The following TUSC3 variants were observed in gnomAD, a reference collection of about 807,000 sequenced individuals.
The protein encoded by TUSC3 is dolichyl-diphosphooligosaccharide--protein glycosyltransferase subunit TUSC3.
In TUSC3, 45 loss-of-function variants were observed where a neutral mutation model predicts 44.8. The ratio of observed to expected loss-of-function variants is 1.00; its 90% CI spans 0.79 to 1.29. TUSC3 has a LOEUF of 1.29. Ranked by LOEUF, TUSC3 falls within the 50% of genes most tolerant of loss-of-function variation. The pLI is 0.00. For synonymous variants in TUSC3, 212 were observed against 152.9 expected (o/e 1.39, Z -2.85); for missense variants, 519 against 437.9 (o/e 1.19, Z -1.65).
At chr8:15,598,985 T>C (rs2129153773) in intron 1 of TUSC3, among the ~76,000 whole-genome samples, 1 of 151,902 alleles carries the variant, frequency 6.6e-6, no homozygotes, top group South Asian at 2.1e-4. Context: ...GATCAAGTGG[T>C]TAAAATTATG....
At chr8:15,651,101 G>A in intron 3 of TUSC3, 1 of 325,562 alleles carries the variant, frequency 3.1e-6, no homozygotes, top group Non-Finnish European at 5.8e-6. Context: ...CATAATTATG[G>A]CTAAACTTAT....
At chr8:15,725,245 C>T (rs1810454453) in intron 6 of TUSC3, among the ~76,000 whole-genome samples, 1 of 152,032 alleles carries the variant, frequency 6.6e-6, no homozygotes, top group African/African-American at 2.4e-5. Flanking sequence ...GTATTATTGT[C>T]TTCAAAATAG....
chr8:15,698,404 A>ATTGTGTTTGAGACTTGATT (rs1434854966), intron 6 of TUSC3, among the ~76,000 whole-genome samples: 1 of 152,214 alleles, frequency 6.6e-6, no homozygotes, highest in Non-Finnish European at 1.5e-5. Flanking sequence ...TTAACTATAT[A>ATTGTGTTTGAGACTTGATT]TTGTGTTTGA....
chr8:15,688,959 A>G (rs1043538477), intron 6 of TUSC3: 20 of 223,720 alleles, frequency 8.9e-5, no homozygotes, highest in African/African-American at 4.5e-4. Flanking sequence ...CTGAGTGCAT[A>G]CAGGAGACCT....
At chr8:15,708,940 G>GT in intron 6 of TUSC3, among the ~76,000 whole-genome samples, 1 of 151,880 alleles carries the variant, frequency 6.6e-6, no homozygotes, top group East Asian at 1.9e-4. Flanking sequence ...CTTATGTAAA[G>GT]TAAATTAACA....
intron 6 of TUSC3, among the ~76,000 whole-genome samples, chr8:15,680,666 G>T (rs1019013199): frequency 6.6e-6 from 1 of 152,084 alleles, no homozygotes; most frequent in Non-Finnish European, 1.5e-5. Flanking sequence ...TCTTGTTCCA[G>T]TTCTCAGGGA....
chr8:15,736,652 G>A (rs1484081667), intron 7 of TUSC3, among the ~76,000 whole-genome samples: 1 of 152,008 alleles, frequency 6.6e-6, no homozygotes, highest in Non-Finnish European at 1.5e-5. Flanking sequence ...AAATAAAAAG[G>A]CATCTTCATT....
the TUSC3 span, chr8:15,806,570 T>C: frequency 6.8e-7 from 1 of 1,459,986 alleles, no homozygotes; most frequent in Non-Finnish European, 9.6e-7. Context: ...TCCCATAACA[T>C]CCCAGATACT....
At chr8:15,639,716 G>C (rs2129171232) in intron 2 of TUSC3, among the ~76,000 whole-genome samples, 1 of 149,144 alleles carries the variant, frequency 6.7e-6, no homozygotes, top group East Asian at 2.0e-4. Flanking sequence ...TATTAAATGA[G>C]ATTTACTAAT....
At chr8:15,725,625 T>TGATGAC (rs1235545206) in intron 6 of TUSC3, among the ~76,000 whole-genome samples, 6 of 151,562 alleles carry the variant, frequency 4.0e-5, no homozygotes, top group African/African-American at 9.8e-5. Context: ...ATGATGATGA[T>TGATGAC]GACGGTAGAT....
At chr8:15,444,703 T>C (rs1035223438) in intron 1 of TUSC3, among the ~76,000 whole-genome samples, 1 of 152,214 alleles carries the variant, frequency 6.6e-6, no homozygotes, top group Admixed American at 6.5e-5. Flanking sequence ...GGAGAGAATC[T>C]TTGTCAGTAT....
chr8:15,519,532 GCTC>G (rs1423664888), intron 2 of TUSC3, among the ~76,000 whole-genome samples: 1 of 152,028 alleles, frequency 6.6e-6, no homozygotes, highest in Non-Finnish European at 1.5e-5. Flanking sequence ...TATGACCTGG[GCTC>G]CTCCTCCTAG....
chr8:15,681,274 A>G (rs1173216055), intron 6 of TUSC3, among the ~76,000 whole-genome samples: 6 of 150,060 alleles, frequency 4.0e-5, no homozygotes, highest in East Asian at 2.0e-4. Context: ...TATATATTTT[A>G]TGGAATTCAT....
At chr8:15,425,811 C>T (rs945504850) in intron 1 of TUSC3, among the ~76,000 whole-genome samples, 9 of 152,172 alleles carry the variant, frequency 5.9e-5, no homozygotes, top group Non-Finnish European at 8.8e-5. Flanking sequence ...GACTTAGACC[C>T]TACCACAAAT....
chr8:15,750,708 T>C (rs992698572), intron 9 of TUSC3, among the ~76,000 whole-genome samples: 1 of 152,156 alleles, frequency 6.6e-6, no homozygotes, highest in Non-Finnish European at 1.5e-5. Flanking sequence ...CCAGCATACA[T>C]GCCACTTACG....
chr8:15,843,594 A>ATAAG, the TUSC3 span, among the ~76,000 whole-genome samples: 1,043 of 76,964 alleles, frequency 0.014, 15 homozygotes, highest in East Asian at 0.045. Flanking sequence ...CTTGATGTAC[A>ATAAG]TATATATATA....
At chr8:15,698,522 T>C (rs928453378) in intron 6 of TUSC3, among the ~76,000 whole-genome samples, 1 of 152,212 alleles carries the variant, frequency 6.6e-6, no homozygotes, top group African/African-American at 2.4e-5. Flanking sequence ...TATATGAGAC[T>C]GCCTCAAACC....
intron 1 of TUSC3, among the ~76,000 whole-genome samples, chr8:15,458,590 AT>A (rs1800295862): frequency 1.3e-5 from 2 of 152,194 alleles, no homozygotes; most frequent in African/African-American, 4.8e-5. Flanking sequence ...CAGGCTATGT[AT>A]GGACCAACGA....
intron 2 of TUSC3, among the ~76,000 whole-genome samples, chr8:15,512,415 T>A (rs577177100): frequency 6.6e-6 from 1 of 152,310 alleles, no homozygotes; most frequent in African/African-American, 2.4e-5. Flanking sequence ...TGTCTGCTAG[T>A]CTACTCCATC....
Sources: allele counts gnomAD v4.1 joint callset (sites outside exome capture counted in the v4.1 genomes callset), GRCh38; gene constraint gnomAD v4.1.1; transcripts MANE v1.5; gene names NCBI Gene and HGNC (gene_info 2026-07-23, HGNC 2026-07-21).